Variants in EPHB1 observed in about 807,000 individuals in gnomAD.
EPHB1 encodes the protein EPH receptor B1.
EPHB1 carries 30 observed loss-of-function variants against 94.4 expected under a neutral mutation model. The ratio of observed to expected loss-of-function variants is 0.32; its 90% CI spans 0.24 to 0.43. The LOEUF (loss-of-function observed/expected upper bound fraction) is 0.43, where lower values mean the gene tolerates loss of function less well. Ranked by LOEUF, EPHB1 falls within the 20% of genes least tolerant of loss-of-function variation. The pLI is 1.00. For synonymous variants in EPHB1, 522 were observed against 489.1 expected, an observed-to-expected ratio of 1.07 and a Z score of -0.89; for missense variants, 1,055 against 1,308.3, an observed-to-expected ratio of 0.81 and a Z score of 2.99.
chr3:134,963,263 GAAT>G (rs1933601154), intron 3 of EPHB1, among the ~76,000 whole-genome samples: 1 of 151,490 alleles, frequency 6.6e-6, no homozygotes, highest in African/African-American at 2.4e-5. Flanking sequence ...GAAAAATAAT[GAAT>G]AATAATAATA....
At chr3:135,070,035 C>T (rs1937653450) in intron 3 of EPHB1, among the ~76,000 whole-genome samples, 1 of 152,128 alleles carries the variant, frequency 6.6e-6, no homozygotes, top group Non-Finnish European at 1.5e-5. Context: ...TGCTATGCAG[C>T]TTCCACAGTG....
intron 5 of EPHB1, among the ~76,000 whole-genome samples, chr3:135,134,719 G>A (rs1407930361): frequency 6.6e-6 from 1 of 152,178 alleles, no homozygotes; most frequent in Non-Finnish European, 1.5e-5. Context: ...TTTGTTAGCA[G>A]TATTTCCCTT....
At chr3:135,186,715 A>G (rs1227866955) in intron 10 of EPHB1, among the ~76,000 whole-genome samples, 1 of 152,226 alleles carries the variant, frequency 6.6e-6, no homozygotes, top group East Asian at 1.9e-4. Context: ...TTCTGATTTT[A>G]CATACAATAG....
chr3:135,259,930 T>G lies in EPHB1; in HGVS notation c.*810T>G. The G allele has an allele frequency of 8.7e-6, 2 of 230,988 alleles. No homozygotes were observed. The highest frequency in any genetic ancestry group is 1.7e-5 in the Non-Finnish European group (2 of 116,304). 14.3% of individuals were successfully genotyped at this position (230,988 alleles called of 1,614,324 possible). A position where few individuals can be genotyped will look rare whatever the true frequency, so the allele number is the denominator to read the frequency against. Reference sequence around the variant, plus strand: ...AACAAGAAAGAAGAACTGGGAAGTCTTTGTCCCTAGGAAATCCAAAGGGGC... The same window carrying G: ...AACAAGAAAGAAGAACTGGGAAGTCGTTGTCCCTAGGAAATCCAAAGGGGC... On this transcript the variant is annotated 3_prime_UTR_variant, in exon 16 of 16. Coordinates refer to ENST00000398015, the MANE Select transcript of EPHB1 (RefSeq NM_004441.5).
At chr3:135,177,814 G>A (rs1942025661) in intron 9 of EPHB1, among the ~76,000 whole-genome samples, 1 of 152,188 alleles carries the variant, frequency 6.6e-6, no homozygotes, top group Admixed American at 6.5e-5. Context: ...AATCTGGTTT[G>A]ACTGTTCTTA....
intron 3 of EPHB1, among the ~76,000 whole-genome samples, chr3:135,102,018 G>T (rs1407364246): frequency 1.3e-5 from 2 of 152,150 alleles, no homozygotes; most frequent in Non-Finnish European, 2.9e-5. Flanking sequence ...CTGGCTAGAA[G>T]TCAATCCACA....
At chr3:135,021,104 G>A (rs531896035) in intron 3 of EPHB1, among the ~76,000 whole-genome samples, 1 of 152,226 alleles carries the variant, frequency 6.6e-6, no homozygotes, top group East Asian at 1.9e-4. Flanking sequence ...CTACATCCTG[G>A]TTAGACAAGT....
intron 4 of EPHB1, among the ~76,000 whole-genome samples, chr3:135,123,271 T>A (rs1000258256): frequency 2.0e-5 from 3 of 152,212 alleles, no homozygotes; most frequent in Non-Finnish European, 4.4e-5. Flanking sequence ...CAAAGAGTGT[T>A]GGAAAGATAA....
At chr3:134,974,611 T>A (rs1342187420) in intron 3 of EPHB1, among the ~76,000 whole-genome samples, 1 of 149,810 alleles carries the variant, frequency 6.7e-6, no homozygotes, top group Non-Finnish European at 1.5e-5. Context: ...GTGAATCTCA[T>A]CAACCCTTCT....
intron 3 of EPHB1, among the ~76,000 whole-genome samples, chr3:134,962,486 C>G (rs1018885248): frequency 6.6e-6 from 1 of 152,170 alleles, no homozygotes; most frequent in Non-Finnish European, 1.5e-5. Flanking sequence ...GTAGATGGGA[C>G]AGGACAAGTG....
At position 134,795,627 on chromosome 3, in the gene EPHB1, C is replaced by T. The variant is rs755028049; in HGVS notation, c.-5C>T. The T allele has an allele frequency of 3.7e-6, 6 of 1,603,252 alleles. No individual in the cohort carries two copies. In the African/African-American group the frequency reaches 8.2e-5, roughly 22 times the overall value. On this transcript the variant is annotated 5_prime_UTR_variant, in exon 1 of 16. Transcript: ENST00000398015. ...TGGTCTCGGCCTGCGGGCCGTCGGC[C>T]GGCGATGGCCCTGGATTATCTACTA...
At chr3:135,147,339 AG>A (rs1480641675) in intron 5 of EPHB1, among the ~76,000 whole-genome samples, 1 of 152,250 alleles carries the variant, frequency 6.6e-6, no homozygotes, top group East Asian at 1.9e-4. Context: ...TTCCAATCCT[AG>A]GTTGATTCCC....
intron 3 of EPHB1, among the ~76,000 whole-genome samples, chr3:135,031,123 T>C (rs1032523337): frequency 6.6e-6 from 1 of 152,172 alleles, no homozygotes; most frequent in African/African-American, 2.4e-5. Context: ...GCCCACTGTC[T>C]GGCACTCCCT....
intron 2 of EPHB1, among the ~76,000 whole-genome samples, chr3:134,934,142 T>C (rs2038956483): frequency 2.0e-5 from 3 of 152,194 alleles, no homozygotes; most frequent in Non-Finnish European, 4.4e-5. Flanking sequence ...CAAAACAGCT[T>C]TCATACCTGA....
chr3:135,256,493 G>A (rs1933394873), intron 15 of EPHB1, among the ~76,000 whole-genome samples: 1 of 152,124 alleles, frequency 6.6e-6, no homozygotes, highest in Non-Finnish European at 1.5e-5. Context: ...AGTTTGGCTG[G>A]ATATGAAATT....
chr3:134,929,876 T>A (rs978949241), intron 2 of EPHB1, among the ~76,000 whole-genome samples: 1 of 152,196 alleles, frequency 6.6e-6, no homozygotes, highest in Non-Finnish European at 1.5e-5. Flanking sequence ...GCAGGGGTCC[T>A]CCTTTTTCTG....
intron 3 of EPHB1, among the ~76,000 whole-genome samples, chr3:135,058,416 G>T (rs139876660): frequency 1.3e-3 from 199 of 152,276 alleles, no homozygotes; most frequent in Non-Finnish European, 2.2e-3. Context: ...GAGGAGGAGG[G>T]CCAGGCCACA....
At chr3:135,227,127 T>G (rs1943421711) in intron 12 of EPHB1, among the ~76,000 whole-genome samples, 1 of 152,102 alleles carries the variant, frequency 6.6e-6, no homozygotes, top group Admixed American at 6.5e-5. Context: ...ACACCTAAAA[T>G]AAAATCATCT....
intron 3 of EPHB1, among the ~76,000 whole-genome samples, chr3:134,999,764 G>A (rs1013131352): frequency 1.3e-5 from 2 of 152,210 alleles, no homozygotes; most frequent in South Asian, 2.1e-4. Flanking sequence ...TACTACCAGA[G>A]AGCCTATAAA....
Sources: allele counts gnomAD v4.1 joint callset (sites outside exome capture counted in the v4.1 genomes callset), GRCh38; gene constraint gnomAD v4.1.1; transcripts MANE v1.5; gene names NCBI Gene and HGNC (gene_info 2026-07-23, HGNC 2026-07-21).